The following PELP1 variants were observed in gnomAD, a reference collection of about 807,000 sequenced individuals.
PELP1 encodes proline, glutamate and leucine rich protein 1, also known as proline-, glutamic acid- and leucine-rich protein 1.
Under a neutral mutation model 95.5 loss-of-function variants are expected in PELP1, and 32 were observed. The ratio of observed to expected loss-of-function variants is 0.34; its 90% CI spans 0.25 to 0.45. The LOEUF is 0.45. Ranked by LOEUF, PELP1 falls within the 20% of genes least tolerant of loss-of-function variation. The probability of loss-of-function intolerance (pLI) is 1.00; values close to 1 mark genes in which losing one functional copy is unlikely to be tolerated. For synonymous variants in PELP1, 668 were observed against 600.1 expected, an observed-to-expected ratio of 1.11 and a Z score of -1.65; for missense variants, 1,358 against 1,444.8, an observed-to-expected ratio of 0.94 and a Z score of 0.97.
At chr17:4,696,010 A>G (rs1913282797) in intron 1 of PELP1, among the ~76,000 whole-genome samples, 2 of 107,400 alleles carry the variant, frequency 1.9e-5, no homozygotes, top group Non-Finnish European at 3.8e-5. Flanking sequence ...ATAACCATAA[A>G]AAAAAGAGTG....
At position 4,675,476 on chromosome 17, in the gene PELP1, C is replaced by G. The variant is rs746545333; in HGVS notation, c.1069-114G>C. The G allele has an allele frequency of 5.4e-6, 4 of 747,608 alleles. No homozygotes were observed. The highest frequency in any genetic ancestry group is 4.4e-5 in the South Asian group (3 of 67,650). 46.3% of individuals were successfully genotyped at this position (747,608 alleles called of 1,614,324 possible). On this transcript the variant is annotated intron_variant, in intron 9 of 16. Transcript: ENST00000572293. This position sits in a 1 kb window ranked among gnomAD's most constrained non-coding sequence, Gnocchi z 4.3. ...TACACATAGGTAAGAAACCCAACCC[C>G]TGATCTCAGCTCTCCCAACAAAATC...
Position 4,690,897 on chromosome 17 carries a change from C to A in PELP1, c.411G>T (p.Gln137His). 1 of 1,611,324 alleles carries A rather than the reference C, an allele frequency of 6.2e-7. No individual in the cohort carries two copies. The highest frequency in any genetic ancestry group is 8.5e-7 in the Non-Finnish European group (1 of 1,177,514). The change falls in exon 3 of 17, where the codon CAG becomes CAT. Residue 137 changes from glutamine to histidine, a missense_variant. Gln to His is a conservative substitution (Grantham distance 24). Coordinates refer to ENST00000572293, the MANE Select transcript of PELP1 (RefSeq NM_014389.3). ...GCAGCTGAAACCTCACCTGTAACAC[C>A]TGCTGAATGCTCCGAAGCCAAGACA... ...HCVSWLRSIQ[Q>H]VLQTQDPPAT...
rs780347388 is a variant in PELP1, at chr17:4,672,960, C to A, written c.2031G>T (p.Met677Ile). 21 of 1,596,604 alleles carry A rather than the reference C, an allele frequency of 1.3e-5. No homozygotes were observed. Among genetic ancestry groups the A allele is most frequent in the Non-Finnish European group, 1.8e-5 (21 of 1,170,920 alleles). The change falls in exon 16 of 17, where the codon ATG becomes ATT. Residue 677 changes from methionine (M) to isoleucine (I), a missense_variant. Physicochemically the swap from Met to Ile is conservative, Grantham distance 10 (BLOSUM62 1). Transcript: ENST00000572293. ...CTGAAGGCATGGGGCCTGCTGAGGG[C>A]ATGGAGCCCACTGAGGGCATGGGGC... ...PPGPMPSVGS[M>I]PSAGPMPSAG...
At chr17:4,703,777 C>G (rs1272158258) in intron 1 of PELP1, 86 bp downstream of exon 1, 1 of 1,176,882 alleles carries the variant, frequency 8.5e-7, no homozygotes. Context: ...ACCTCCCTAT[C>G]GCACTTGCAC....
intron 1 of PELP1, among the ~76,000 whole-genome samples, chr17:4,699,705 G>A (rs1913442969): frequency 6.6e-6 from 1 of 151,992 alleles, no homozygotes. Context: ...TCCTGCCTCA[G>A]TCTCCTGATT....
rs139398595 is a variant in PELP1 at position 4,672,027 on chromosome 17, GGGAGGCAGAGCT to G, written c.2952_2963del (p.Ala985_Pro988del). 3,290 of 1,573,964 alleles carry G rather than the reference GGGAGGCAGAGCT, an allele frequency of 2.1e-3. 108 individuals carry two copies. The East Asian group carries it at 0.064, about 31-fold the overall frequency. ...GCTGCACCTTTGGGGGAGACTCAGGGGGAGGCAGAGCTGGAGGCAGGGTTGGGGGTGGAGGTG... is the reference window on the plus strand; with the variant it reads ...GCTGCACCTTTGGGGGAGACTCAGGGGGAGGCAGGGTTGGGGGTGGAGGTG... On this transcript the variant is annotated inframe_deletion, in exon 16 of 17. Transcript: ENST00000572293.
intron 1 of PELP1, among the ~76,000 whole-genome samples, chr17:4,694,335 T>C (rs975587934): frequency 6.6e-6 from 1 of 151,542 alleles, no homozygotes; most frequent in Non-Finnish European, 1.5e-5. Flanking sequence ...ATATACTAAA[T>C]CCACGGAATT....
intron 5 of PELP1, among the ~76,000 whole-genome samples, chr17:4,681,025 T>C (rs938177884): frequency 6.6e-6 from 1 of 152,224 alleles, no homozygotes; most frequent in African/African-American, 2.4e-5. Context: ...ACTAAGGCTC[T>C]TTTGTAGTCA....
intron 13 of PELP1, among the ~76,000 whole-genome samples, chr17:4,674,093 T>G (rs1360998863): frequency 6.6e-6 from 1 of 152,148 alleles, no homozygotes; most frequent in African/African-American, 2.4e-5. Context: ...TGGAAGAATG[T>G]CAGCTTCACA....
intron 3 of PELP1, among the ~76,000 whole-genome samples, chr17:4,689,415 CTA>C (rs1913015302): frequency 6.6e-6 from 1 of 152,158 alleles, no homozygotes; most frequent in Non-Finnish European, 1.5e-5. Flanking sequence ...TCTTCACAAA[CTA>C]TGCATCTGAC....
At chr17:4,679,431 G>GC (rs1325312610) in intron 5 of PELP1, among the ~76,000 whole-genome samples, 1 of 152,140 alleles carries the variant, frequency 6.6e-6, no homozygotes, top group Non-Finnish European at 1.5e-5. Context: ...AAATAAAAAA[G>GC]CAACAGCAGA....
intron 5 of PELP1, among the ~76,000 whole-genome samples, chr17:4,679,576 A>G (rs1337144402): frequency 6.6e-6 from 1 of 152,258 alleles, no homozygotes; most frequent in South Asian, 2.1e-4. Context: ...CTGAATCAAA[A>G]TACACTTTTG....
rs1039404912 is a variant in PELP1 at position 4,670,231 on chromosome 17, A to T, written c.*1208T>A. The stretch of plus-strand genomic sequence containing the variant: ...CTCCTCAAAGGGCTCTTCAGGATAC[A>T]TGTTGGGAGAAATGACTCCCTCTTC... On this transcript the variant is annotated 3_prime_UTR_variant, in exon 17 of 17. Transcript: ENST00000572293. The T allele has an allele frequency of 6.6e-6, 1 of 152,160 alleles. No homozygotes were observed. The highest frequency in any genetic ancestry group is 2.4e-5 in the African/African-American group (1 of 41,436). The allele number at this position is 152,160 out of a possible 1,614,324, so 9.4% of individuals were successfully genotyped here. A position where few individuals can be genotyped will look rare whatever the true frequency, so the allele number is the denominator to read the frequency against.
rs778556653 is a variant in PELP1 at position 4,672,909 on chromosome 17, AGGGCCTGCTGAGGGCATG to A, written c.2064_2081del (p.Met689_Pro694del). 9.2e-5 allele frequency: 147 copies of A among 1,600,230 alleles called. 2 individuals carry two copies. The South Asian group carries it at 1.1e-3, about 12-fold the overall frequency. ...GAGGTCCAGGGCGTGCCGAGGGCAC[AGGGCCTGCTGAGGGCATG>A]GGGCCTGCTGAAGGCATGGGGCCTG... On this transcript the variant is annotated inframe_deletion, in exon 16 of 17. Coordinates refer to ENST00000572293, the MANE Select transcript of PELP1 (RefSeq NM_014389.3).
Position 4,675,297 on chromosome 17 carries a change from G to T in PELP1, c.1134C>A (p.Asp378Glu). The change falls in exon 10 of 17, where the codon GAC becomes GAA. Residue 378 changes from aspartate to glutamate, a missense_variant. This residue lies in a region of PELP1 where 538 missense variants were observed against 628.1 expected (regional missense o/e 0.86). Transcript: ENST00000572293. The surrounding 1 kb of genome is among the most constrained non-coding windows in gnomAD (Gnocchi z 4.3). ...LLPSIHLEALDLLSALILACG... is the reference protein window; with the variant it reads ...LLPSIHLEALELLSALILACG... The stretch of plus-strand genomic sequence containing the variant: ...ACGCGAGGATGAGTGCAGACAGCAG[G>T]TCCAAGGCCTCAAGGTGGATAGAGG... The T allele has an allele frequency of 6.4e-7, 1 of 1,571,622 alleles. No individual in the cohort carries two copies. The highest frequency in any genetic ancestry group is 8.6e-7 in the Non-Finnish European group (1 of 1,158,530).
At chr17:4,694,244 T>C (rs1913209415) in intron 1 of PELP1, among the ~76,000 whole-genome samples, 4 of 152,084 alleles carry the variant, frequency 2.6e-5, no homozygotes, top group African/African-American at 9.7e-5. Context: ...TGGGAATGAC[T>C]GTAAGTGGGT....
chr17:4,675,459 G>T lies in PELP1; in HGVS notation c.1069-97C>A. 3 of 821,300 alleles carry T rather than the reference G, an allele frequency of 3.7e-6. No homozygotes were observed. Among genetic ancestry groups the T allele is most frequent in the Non-Finnish European group, 6.1e-6 (3 of 492,248 alleles). 50.9% of individuals were successfully genotyped at this position (821,300 alleles called of 1,614,324 possible). On this transcript the variant is annotated intron_variant, in intron 9 of 16. Coordinates refer to ENST00000572293, the MANE Select transcript of PELP1 (RefSeq NM_014389.3). This position sits in a 1 kb window ranked among gnomAD's most constrained non-coding sequence, Gnocchi z 4.3. ...ATGACCATTTACATATGTACACATA[G>T]GTAAGAAACCCAACCCCTGATCTCA...
chr17:4,702,836 T>C (rs1913597609), intron 1 of PELP1, among the ~76,000 whole-genome samples: 1 of 152,098 alleles, frequency 6.6e-6, no homozygotes, highest in African/African-American at 2.4e-5. Flanking sequence ...GATAGGAGAT[T>C]GTTATAAGGA....
At chr17:4,689,737 TGTG>T (rs1160939084) in intron 3 of PELP1, among the ~76,000 whole-genome samples, 2 of 151,974 alleles carry the variant, frequency 1.3e-5, no homozygotes, top group Admixed American at 6.6e-5. Flanking sequence ...ATAAAGAAAA[TGTG>T]GTGTGGGCCA....
Sources: allele counts gnomAD v4.1 joint callset (sites outside exome capture counted in the v4.1 genomes callset), GRCh38; gene constraint gnomAD v4.1.1; regional missense constraint gnomAD v4.1.1; non-coding constraint Gnocchi (gnomAD v3.1); transcripts MANE v1.5; gene names NCBI Gene and HGNC (gene_info 2026-07-23, HGNC 2026-07-21).